AP3S2: variants seen among roughly 807,000 people sequenced by gnomAD.
AP3S2 encodes the protein AP-3 complex subunit sigma-2.
Under a neutral mutation model 23.4 loss-of-function variants are expected in AP3S2, and 22 were observed. That is an observed-to-expected ratio of 0.94 (90% confidence interval 0.67 to 1.34). AP3S2 has a LOEUF of 1.34. Among genes scored for constraint, AP3S2 ranks in the 40% most tolerant of loss-of-function variants. The pLI is 0.00. For synonymous variants in AP3S2, 86 were observed against 87.1 expected (o/e 0.99, Z 0.07); for missense variants, 241 against 236.9 (o/e 1.02, Z -0.11).
At position 89,854,167 on chromosome 15, in the gene AP3S2, T is replaced by TG. The variant is rs1226722413; in HGVS notation, c.346-16446dup. Among the ~76,000 whole-genome samples, 3 of 20,362 alleles carry TG rather than the reference T, an allele frequency of 1.5e-4. 1 individual carries two copies. Among genetic ancestry groups the TG allele is most frequent in the Non-Finnish European group, 2.9e-4 (3 of 10,472 alleles). 13.4% of individuals were successfully genotyped at this position (20,362 alleles called of 152,430 possible). On this transcript the variant is annotated intron_variant, in intron 4 of 5. Transcript: ENST00000336418. ...CCAGCCATGCCGTCCGGGAGGGAGG[T>TG]GGGGGGGTCAGCCCCCCGCCCGGCC... is the stretch of plus-strand genomic sequence containing the variant.
chr15:89,887,954 A>G (rs1219672632), intron 3 of AP3S2, among the ~76,000 whole-genome samples: 1 of 152,244 alleles, frequency 6.6e-6, no homozygotes, highest in African/African-American at 2.4e-5. Context: ...TATAGGCATG[A>G]GCCTATAAGC....
At position 89,832,156 on chromosome 15, in the gene AP3S2, G is replaced by A. The variant is rs1310506056; in HGVS notation, c.*3359C>T. The A allele has an allele frequency of 6.6e-6, 1 of 152,154 alleles. No homozygotes were observed. Among genetic ancestry groups the A allele is most frequent in the Admixed American group, 6.5e-5 (1 of 15,270 alleles). The allele number at this position is 152,154 out of a possible 1,614,324, so 9.4% of individuals were successfully genotyped here. A position where few individuals can be genotyped will look rare whatever the true frequency, so the allele number is the denominator to read the frequency against. Reference sequence around the variant, plus strand: ...AGTGGCAGTGAGCACTGAAAACCCAGTATTTGGCCAGGTCCAGTGGCTCAC... The same window carrying A: ...AGTGGCAGTGAGCACTGAAAACCCAATATTTGGCCAGGTCCAGTGGCTCAC... On this transcript the variant is annotated 3_prime_UTR_variant, in exon 6 of 6. Transcript: ENST00000336418.
chr15:89,876,050 A>C (rs958165548), intron 3 of AP3S2, among the ~76,000 whole-genome samples: 1 of 152,242 alleles, frequency 6.6e-6, no homozygotes, highest in Non-Finnish European at 1.5e-5. Context: ...GAAAGGCATC[A>C]TCGTAGTAGA....
At chr15:89,857,896 G>C (rs750597059) in intron 4 of AP3S2, among the ~76,000 whole-genome samples, 1 of 152,150 alleles carries the variant, frequency 6.6e-6, no homozygotes, top group Non-Finnish European at 1.5e-5. Context: ...GTGAGTGTAC[G>C]AGGATGTGTC....
chr15:89,859,899 G>A (rs1895972435), intron 4 of AP3S2, among the ~76,000 whole-genome samples: 1 of 151,728 alleles, frequency 6.6e-6, no homozygotes, highest in Non-Finnish European at 1.5e-5. Context: ...GAGTAGCTAG[G>A]ACTACAGGCA....
intron 4 of AP3S2, among the ~76,000 whole-genome samples, chr15:89,844,379 C>T (rs1433908330): frequency 6.6e-6 from 1 of 151,270 alleles, no homozygotes; most frequent in Non-Finnish European, 1.5e-5. Flanking sequence ...GCTCTGTCAC[C>T]CAGGCTGGAG....
intron 4 of AP3S2, among the ~76,000 whole-genome samples, chr15:89,858,527 A>AAGAT (rs1895919112): frequency 2.5e-5 from 1 of 40,252 alleles, no homozygotes. Context: ...GAGAGAGAGA[A>AAGAT]AGAAAGAAAG....
At chr15:89,858,523 G>GAGAGAGAGAGAGAGGGAA (rs1555446558) in intron 4 of AP3S2, among the ~76,000 whole-genome samples, 1 of 53,650 alleles carries the variant, frequency 1.9e-5, no homozygotes. Flanking sequence ...GAGAGAGAGA[G>GAGAGAGAGAGAGAGGGAA]AGAAAGAAAG....
intron 1 of AP3S2, chr15:89,893,638 C>T (rs1197536573): frequency 3.9e-6 from 2 of 509,604 alleles, no homozygotes; most frequent in Non-Finnish European, 7.0e-6. Context: ...GAAAATGTCA[C>T]AAAATGGCAC....
chr15:89,893,381 C>T (rs1018511764), intron 1 of AP3S2: 4 of 219,712 alleles, frequency 1.8e-5, no homozygotes, highest in Non-Finnish European at 3.5e-5. Flanking sequence ...TGATTTTCTT[C>T]AACCCTAAGA....
intron 3 of AP3S2, among the ~76,000 whole-genome samples, chr15:89,882,346 C>T (rs1417976374): frequency 6.6e-6 from 1 of 151,636 alleles, no homozygotes; most frequent in Non-Finnish European, 1.5e-5. Context: ...TTTTACCCCC[C>T]TGTTCTGCTT....
chr15:89,840,487 G>T (rs550713108), intron 4 of AP3S2, among the ~76,000 whole-genome samples: 2 of 152,266 alleles, frequency 1.3e-5, no homozygotes, highest in Admixed American at 6.5e-5. Flanking sequence ...GAGTACAGTG[G>T]TGTGAACTTG....
At chr15:89,864,428 AC>A (rs1303820900) in intron 4 of AP3S2, among the ~76,000 whole-genome samples, 1 of 152,214 alleles carries the variant, frequency 6.6e-6, no homozygotes, top group Non-Finnish European at 1.5e-5. Context: ...AACATCCTTA[AC>A]CTGACAATCT....
chr15:89,846,123 G>A lies in AP3S2; in HGVS notation c.346-8401C>T, dbSNP rs566345434. 1.1e-4 allele frequency among the ~76,000 whole-genome samples: 17 copies of A among 152,238 alleles called. 1 individual carries two copies. In the South Asian group the frequency reaches 3.5e-3, roughly 32 times the overall value. On this transcript the variant is annotated intron_variant, in intron 4 of 5. Coordinates refer to ENST00000336418, the MANE Select transcript of AP3S2 (RefSeq NM_005829.5). ...TCTGAAATCTTAAAAGGTAAAATGA[G>A]GCATAGATACTGATGTTTTCCAAGA...
chr15:89,861,910 A>G (rs189456920), intron 4 of AP3S2, among the ~76,000 whole-genome samples: 1 of 152,322 alleles, frequency 6.6e-6, no homozygotes, highest in Admixed American at 6.5e-5. Flanking sequence ...TTTGAGCAGC[A>G]CTTGAATGAC....
chr15:89,862,974 T>C (rs1362190072), intron 4 of AP3S2, among the ~76,000 whole-genome samples: 1 of 151,958 alleles, frequency 6.6e-6, no homozygotes, highest in Non-Finnish European at 1.5e-5. Context: ...GCTAGAAATA[T>C]GAGAGGGAGA....
intron 3 of AP3S2, chr15:89,877,405 T>G (rs1896468204): frequency 7.8e-7 from 1 of 1,290,028 alleles, no homozygotes; most frequent in Non-Finnish European, 1.0e-6. Context: ...CTGGCTTTTC[T>G]TCCTCTCTCT....
chr15:89,856,477 G>C (rs1274884920), intron 4 of AP3S2, among the ~76,000 whole-genome samples: 1 of 151,968 alleles, frequency 6.6e-6, no homozygotes, highest in Non-Finnish European at 1.5e-5. Context: ...GAGGTGGACA[G>C]AGCATGAGGT....
At position 89,888,529 on chromosome 15, in the gene AP3S2, G is replaced by A. The variant is rs1480270449; in HGVS notation, c.265C>T (p.Leu89Phe). ...TAGCTGACTACACATACCTGGATGAGGTCCAAGATTCCAAGTTCACTCTCT... is the reference window on the plus strand; with the variant it reads ...TAGCTGACTACACATACCTGGATGAAGTCCAAGATTCCAAGTTCACTCTCT... Reference protein sequence around the residue: ...SSESELGILDLIQVFVETLDK... With the variant: ...SSESELGILDFIQVFVETLDK... Residue 89 changes from leucine (L) to phenylalanine (F), a missense_variant, in exon 3 of 6, where the codon CTC becomes TTC. Coordinates refer to ENST00000336418, the MANE Select transcript of AP3S2 (RefSeq NM_005829.5). 6.2e-7 allele frequency: 1 copy of A among 1,614,114 alleles called. No individual in the cohort carries two copies. Among genetic ancestry groups the A allele is most frequent in the East Asian group, 2.2e-5 (1 of 44,888 alleles).
Sources: allele counts gnomAD v4.1 joint callset (sites outside exome capture counted in the v4.1 genomes callset), GRCh38; gene constraint gnomAD v4.1.1; transcripts MANE v1.5; gene names NCBI Gene and HGNC (gene_info 2026-07-23, HGNC 2026-07-21).